Variants in GGTA1 observed in about 807,000 individuals in gnomAD.
GGTA1 encodes glycoprotein alpha-galactosyltransferase 1 (inactive).
A neutral mutation model predicts 2.6 loss-of-function variants in GGTA1; 5 were observed. That is an observed-to-expected ratio of 1.92 (90% CI 1.00 to 4.04). The LOEUF (loss-of-function observed/expected upper bound fraction) is 4.04. Among genes scored for constraint, GGTA1 ranks in the 30% most tolerant of loss-of-function variants. GGTA1 has a pLI of 0.00. For missense variants in GGTA1, 50 were observed against 16.7 expected, an observed-to-expected ratio of 2.99 and a Z score of -3.47; for synonymous variants, 17 against 5.0, an observed-to-expected ratio of 3.38 and a Z score of -3.19.
downstream of GGTA1, among the ~76,000 whole-genome samples, chr9:121,451,060 A>G (rs1180595670): frequency 6.6e-6 from 1 of 152,180 alleles, no homozygotes; most frequent in Non-Finnish European, 1.5e-5. Context: ...ATATAGAGGG[A>G]AAGGCCCAGA....
intron 1 of GGTA1, among the ~76,000 whole-genome samples, chr9:121,499,075 C>T (rs551808707): frequency 2.8e-4 from 42 of 152,146 alleles, no homozygotes; most frequent in Admixed American, 7.2e-4. Flanking sequence ...AAGTTAGTGT[C>T]GGAAACTTTC....
chr9:121,462,266 C>T (rs914040117), intron 3 of GGTA1, among the ~76,000 whole-genome samples: 1 of 151,604 alleles, frequency 6.6e-6, no homozygotes, highest in African/African-American at 2.4e-5. Flanking sequence ...AGGAGGTTGC[C>T]GTGAGCCAAG....
Position 121,482,728 on chromosome 9 carries a change from C to A in GGTA1, c.-9-14797G>T, listed in dbSNP as rs138447731. 8.2e-3 allele frequency among the ~76,000 whole-genome samples: 1,248 copies of A among 152,238 alleles called. 18 individuals are homozygous for A. The highest frequency in any genetic ancestry group is 0.029 in the African/African-American group (1,190 of 41,550). ...AGTTTGCGGTGAGCCAAGATTGTGC[C>A]ACTGCACTCCAGCCCGGGCAATAGA... On this transcript the variant is annotated intron_variant, in intron 1 of 5. Coordinates refer to ENST00000481799, the MANE Select transcript of GGTA1 (RefSeq NM_001382585.1).
At chr9:121,484,423 A>T (rs1449067857) in intron 1 of GGTA1, among the ~76,000 whole-genome samples, 1 of 151,750 alleles carries the variant, frequency 6.6e-6, no homozygotes, top group East Asian at 1.9e-4. Context: ...AGCTGGGATT[A>T]CAGGTGCCCA....
chr9:121,468,669 T>C (rs1828310105), intron 1 of GGTA1, among the ~76,000 whole-genome samples: 3 of 152,238 alleles, frequency 2.0e-5, no homozygotes, highest in Non-Finnish European at 2.9e-5. Context: ...TAGGATGATC[T>C]AACTAGAGCT....
In GGTA1 at chr9:121,455,753, C is replaced by T. The variant is rs1287098370; in HGVS notation, c.*84G>A. On this transcript the variant is annotated 3_prime_UTR_variant, in exon 6 of 6. Transcript: ENST00000481799. ...ACAGGTGGTCCGCCTGTTACACACT[C>T]CTTAACCGCATGATCTCTCAGTCCA... 2.3e-6 allele frequency: 1 copy of T among 443,658 alleles called. No homozygotes were observed. The highest frequency in any genetic ancestry group is 4.5e-6 in the Non-Finnish European group (1 of 222,344). 27.5% of individuals were successfully genotyped at this position (443,658 alleles called of 1,614,324 possible).
intron 2 of GGTA1, among the ~76,000 whole-genome samples, chr9:121,464,611 AC>A (rs2064988623): frequency 1.1e-5 from 1 of 92,124 alleles, no homozygotes; most frequent in South Asian, 4.7e-4. Flanking sequence ...CCATCTCAAA[AC>A]AAAAACAAAA....
intron 1 of GGTA1, among the ~76,000 whole-genome samples, chr9:121,471,932 C>T (rs574330750): frequency 3.3e-5 from 5 of 152,180 alleles, no homozygotes; most frequent in Non-Finnish European, 5.9e-5. Flanking sequence ...CTCTCTGTGC[C>T]GATGTCCTCA....
At chr9:121,466,000 C>G (rs2065002726) in intron 2 of GGTA1, among the ~76,000 whole-genome samples, 1 of 152,144 alleles carries the variant, frequency 6.6e-6, no homozygotes, top group African/African-American at 2.4e-5. Context: ...ACTGCAGCCT[C>G]AACCTCTCAG....
downstream of GGTA1, chr9:121,454,901 C>A (rs2064898324): frequency 6.6e-6 from 1 of 152,228 alleles, no homozygotes; most frequent in Non-Finnish European, 1.5e-5. Flanking sequence ...GTAATCCCAG[C>A]TACTTGGGAG....
chr9:121,496,952 G>C (rs1339759886), intron 1 of GGTA1, among the ~76,000 whole-genome samples: 1 of 151,694 alleles, frequency 6.6e-6, no homozygotes, highest in Non-Finnish European at 1.5e-5. Flanking sequence ...TACCACTTTG[G>C]GAGGCGGAGG....
In GGTA1 at chr9:121,455,229, C is replaced by G. The variant is rs2064900757; in HGVS notation, c.*608G>C. Reference sequence around the variant, plus strand: ...AACCAAAAAACACCCACACAGCTGTCTTATACTTCTGTAACCATTTCTGAA... The same window carrying G: ...AACCAAAAAACACCCACACAGCTGTGTTATACTTCTGTAACCATTTCTGAA... On this transcript the variant is annotated 3_prime_UTR_variant, in exon 6 of 6. Coordinates refer to ENST00000481799, the MANE Select transcript of GGTA1 (RefSeq NM_001382585.1). 1 of 152,156 alleles carries G rather than the reference C, an allele frequency of 6.6e-6. No homozygotes were observed. Among genetic ancestry groups the G allele is most frequent in the Non-Finnish European group, 1.5e-5 (1 of 68,026 alleles). 9.4% of individuals were successfully genotyped at this position (152,156 alleles called of 1,614,324 possible). A position where few individuals can be genotyped will look rare whatever the true frequency, so the allele number is the denominator to read the frequency against.
intron 1 of GGTA1, among the ~76,000 whole-genome samples, chr9:121,480,566 C>A (rs1828622024): frequency 6.6e-6 from 1 of 152,068 alleles, no homozygotes; most frequent in Admixed American, 6.5e-5. Flanking sequence ...GACAGGGGAC[C>A]AAAGCCAGAC....
chr9:121,471,988 T>C (rs563009029), intron 1 of GGTA1, among the ~76,000 whole-genome samples: 1 of 152,282 alleles, frequency 6.6e-6, no homozygotes, highest in Non-Finnish European at 1.5e-5. Context: ...TTTGGAGTGA[T>C]GTGGGGATGT....
At chr9:121,492,620 T>C (rs968379202) in intron 1 of GGTA1, among the ~76,000 whole-genome samples, 2 of 152,072 alleles carry the variant, frequency 1.3e-5, no homozygotes, top group African/African-American at 2.4e-5. Flanking sequence ...ATTACAGGCA[T>C]GGGCCACTAC....
chr9:121,456,912 T>C (rs2064916254), intron 5 of GGTA1, among the ~76,000 whole-genome samples: 1 of 152,072 alleles, frequency 6.6e-6, no homozygotes, highest in Non-Finnish European at 1.5e-5. Flanking sequence ...ACACAAGCAA[T>C]CCTCCTGCCT....
chr9:121,481,680 C>CAAAAAAA, intron 1 of GGTA1, among the ~76,000 whole-genome samples: 13 of 64,188 alleles, frequency 2.0e-4, no homozygotes, highest in African/African-American at 6.0e-4. Context: ...GACTCTGTCT[C>CAAAAAAA]AAAAAAAAAA....
intron 1 of GGTA1, among the ~76,000 whole-genome samples, chr9:121,493,958 T>C (rs1828933434): frequency 6.6e-6 from 1 of 152,040 alleles, no homozygotes; most frequent in Non-Finnish European, 1.5e-5. Flanking sequence ...GGTTTTGCCA[T>C]GTTGACTAGG....
chr9:121,455,631 A>G lies in GGTA1; in HGVS notation c.*206T>C, dbSNP rs1292855612. On this transcript the variant is annotated 3_prime_UTR_variant, in exon 6 of 6. Transcript: ENST00000481799. ...TGGAGTGTCTGATCCCCTGACCCAC[A>G]TTTCCCAGTTCCCTGCTCTATACCA... is the stretch of plus-strand genomic sequence containing the variant. The G allele has an allele frequency of 1.5e-5, 3 of 201,008 alleles. No homozygotes were observed. Among genetic ancestry groups the G allele is most frequent in the African/African-American group, 2.3e-5 (1 of 43,410 alleles). The allele number at this position is 201,008 out of a possible 1,614,324, so 12.5% of individuals were successfully genotyped here. A position where few individuals can be genotyped will look rare whatever the true frequency, so the allele number is the denominator to read the frequency against.
Sources: gnomAD v4.1 joint callset for allele counts (sites outside exome capture counted in the v4.1 genomes callset) on GRCh38, gnomAD v4.1.1 for gene constraint, MANE v1.5 for transcripts, NCBI Gene and HGNC (gene_info 2026-07-23, HGNC 2026-07-21) for gene names.